Variants in TRABD2B observed in about 807,000 individuals in gnomAD.
The protein encoded by TRABD2B is metalloprotease TIKI2.
In TRABD2B, 14 loss-of-function variants were observed where a neutral mutation model predicts 40.1. That is an observed-to-expected ratio of 0.35 (90% CI 0.23 to 0.55). The LOEUF (loss-of-function observed/expected upper bound fraction) is 0.55. Among genes scored for constraint, TRABD2B ranks in the 20% least tolerant of loss-of-function variants. The pLI is 0.90. For synonymous variants in TRABD2B, 263 were observed against 277.0 expected, an observed-to-expected ratio of 0.95 and a Z score of 0.50; for missense variants, 541 against 648.6, an observed-to-expected ratio of 0.83 and a Z score of 1.80.
At chr1:47,856,197 G>A (rs1242657863) in intron 2 of TRABD2B, among the ~76,000 whole-genome samples, 1 of 152,182 alleles carries the variant, frequency 6.6e-6, no homozygotes, top group South Asian at 2.1e-4. Context: ...CGGGGTCTGC[G>A]GGCAGGACCC....
At chr1:47,779,260 A>AC (rs1168407721) in intron 4 of TRABD2B, among the ~76,000 whole-genome samples, 2 of 150,132 alleles carry the variant, frequency 1.3e-5, no homozygotes, top group Non-Finnish European at 3.0e-5. Context: ...GGTAACCAAA[A>AC]ACCCTGACTG....
chr1:47,778,116 C>T (rs1469866157), intron 5 of TRABD2B, among the ~76,000 whole-genome samples: 4 of 152,026 alleles, frequency 2.6e-5, no homozygotes, highest in Admixed American at 6.6e-5. Flanking sequence ...AGTACCATCT[C>T]GATTCAGAGC....
intron 2 of TRABD2B, among the ~76,000 whole-genome samples, chr1:47,907,005 G>A (rs1328126349): frequency 6.6e-6 from 1 of 152,162 alleles, no homozygotes; most frequent in Admixed American, 6.5e-5. Flanking sequence ...TAGGCTTGGC[G>A]GTCTCCTGCC....
intron 2 of TRABD2B, among the ~76,000 whole-genome samples, chr1:47,929,669 C>T (rs1251631562): frequency 1.3e-5 from 2 of 152,214 alleles, no homozygotes; most frequent in African/African-American, 2.4e-5. Context: ...TCGGCCTTCA[C>T]TTTGCATGCT....
intron 3 of TRABD2B, among the ~76,000 whole-genome samples, chr1:47,801,212 T>C (rs1644818679): frequency 6.6e-6 from 1 of 152,158 alleles, no homozygotes; most frequent in South Asian, 2.1e-4. Context: ...TCTTACAAGC[T>C]AAGTTTCCAG....
chr1:47,887,165 T>G (rs920527355), intron 2 of TRABD2B, among the ~76,000 whole-genome samples: 4 of 152,184 alleles, frequency 2.6e-5, no homozygotes, highest in African/African-American at 9.7e-5. Flanking sequence ...ACACATTACA[T>G]GTATTAACAC....
At chr1:47,948,686 C>A (rs1645295489) in intron 2 of TRABD2B, among the ~76,000 whole-genome samples, 1 of 152,022 alleles carries the variant, frequency 6.6e-6, no homozygotes. Context: ...AAATTCTTAC[C>A]CCTCCATAAG....
intron 2 of TRABD2B, among the ~76,000 whole-genome samples, chr1:47,807,485 G>C (rs1174022853): frequency 6.6e-6 from 1 of 152,228 alleles, no homozygotes; most frequent in Non-Finnish European, 1.5e-5. Flanking sequence ...AGCAGTTGAG[G>C]TTGTTGTTGA....
chr1:47,888,960 G>A (rs1159175330), intron 2 of TRABD2B, among the ~76,000 whole-genome samples: 3 of 152,162 alleles, frequency 2.0e-5, no homozygotes, highest in African/African-American at 4.8e-5. Context: ...CCTGTGGCCC[G>A]CGCTCCCCAG....
At chr1:47,855,981 T>C (rs1643885992) in intron 2 of TRABD2B, among the ~76,000 whole-genome samples, 1 of 152,252 alleles carries the variant, frequency 6.6e-6, no homozygotes, top group South Asian at 2.1e-4. Context: ...CGCTTGCAGA[T>C]GAAAAATGCC....
At position 47,762,272 on chromosome 1, in the gene TRABD2B, G is replaced by A. The variant is rs1644252444; in HGVS notation, c.*3630C>T. On this transcript the variant is annotated 3_prime_UTR_variant, in exon 7 of 7. Coordinates refer to ENST00000606738, the MANE Select transcript of TRABD2B (RefSeq NM_001194986.2). ...TGGCTGGTCAGCAGGGTTGGGTCAC[G>A]AAGGGTCTAGCGGACACTTCAGGGT... is the stretch of plus-strand genomic sequence containing the variant. 6.6e-6 allele frequency: 1 copy of A among 152,216 alleles called. No homozygotes were observed. The highest frequency in any genetic ancestry group is 2.4e-5 in the African/African-American group (1 of 41,438). The allele number at this position is 152,216 out of a possible 1,614,324, so 9.4% of individuals were successfully genotyped here.
intron 2 of TRABD2B, among the ~76,000 whole-genome samples, chr1:47,967,313 G>A (rs1291077716): frequency 1.4e-5 from 2 of 147,202 alleles, no homozygotes; most frequent in East Asian, 2.0e-4. Context: ...TATGTATTAT[G>A]AGTGTATGTG....
chr1:47,866,655 G>A (rs1027683420), intron 2 of TRABD2B, among the ~76,000 whole-genome samples: 11 of 152,100 alleles, frequency 7.2e-5, no homozygotes, highest in Admixed American at 3.9e-4. Context: ...CAAGGCATGC[G>A]CTGGAATGAG....
At position 47,968,913 on chromosome 1, in the gene TRABD2B, G is replaced by T. The variant is rs139427688; in HGVS notation, c.666+25121C>A. Among the ~76,000 whole-genome samples, 18 of 152,286 alleles carry T rather than the reference G, an allele frequency of 1.2e-4. No homozygotes were observed. The East Asian group carries it at 3.5e-3, about 29-fold the overall frequency. On this transcript the variant is annotated intron_variant, in intron 2 of 6. Transcript: ENST00000606738. The stretch of plus-strand genomic sequence containing the variant: ...GGCCACTCCCTGACAGTAGAGTAGG[G>T]GCTCAGTAATAACATGCTGAATGAA...
At chr1:47,803,705 G>T (rs746666909) in intron 2 of TRABD2B, among the ~76,000 whole-genome samples, 6 of 152,204 alleles carry the variant, frequency 3.9e-5, no homozygotes, top group Non-Finnish European at 7.3e-5. Context: ...TCCCACATTA[G>T]GCTATGAGCT....
chr1:47,865,069 T>C (rs1287776661), intron 2 of TRABD2B, among the ~76,000 whole-genome samples: 2 of 152,160 alleles, frequency 1.3e-5, no homozygotes, highest in Admixed American at 6.5e-5. Flanking sequence ...GATGGGACTC[T>C]GCAGAAAACC....
intron 2 of TRABD2B, among the ~76,000 whole-genome samples, chr1:47,845,724 A>T (rs1338109325): frequency 6.6e-6 from 1 of 152,248 alleles, no homozygotes; most frequent in Non-Finnish European, 1.5e-5. Context: ...GTATGTGAAT[A>T]TATGACCACA....
chr1:47,957,562 C>T (rs570560893), intron 2 of TRABD2B, among the ~76,000 whole-genome samples: 3 of 152,136 alleles, frequency 2.0e-5, no homozygotes, highest in South Asian at 4.2e-4. Context: ...AACTTCATGA[C>T]GCATGCACAA....
chr1:47,769,974 G>A (rs1385673607), intron 6 of TRABD2B, among the ~76,000 whole-genome samples: 1 of 66,676 alleles, frequency 1.5e-5, no homozygotes. Flanking sequence ...GCAAGGCTGT[G>A]TGTGTCTGAG....
Sources: allele counts gnomAD v4.1 joint callset (sites outside exome capture counted in the v4.1 genomes callset), GRCh38; gene constraint gnomAD v4.1.1; transcripts MANE v1.5; gene names NCBI Gene and HGNC (gene_info 2026-07-23, HGNC 2026-07-21).